Variants in CCL26 observed in about 807,000 individuals in gnomAD.
The protein encoded by CCL26 is C-C motif chemokine 26.
CCL26 carries 10 observed loss-of-function variants against 10.7 expected under a neutral mutation model. That is an observed-to-expected ratio of 0.93 (90% CI 0.57 to 1.58). CCL26 has a LOEUF of 1.58. Ranked by LOEUF, CCL26 falls within the 40% of genes most tolerant of loss-of-function variation. The pLI, the probability that CCL26 is intolerant of heterozygous loss-of-function variation, is 0.00. For missense variants in CCL26, 116 were observed against 111.0 expected, an observed-to-expected ratio of 1.05 and a Z score of -0.20; for synonymous variants, 43 against 41.4, an observed-to-expected ratio of 1.04 and a Z score of -0.15.
At chr7:75,783,571 G>A (rs1226225524) in intron 1 of CCL26, among the ~76,000 whole-genome samples, 10 of 152,114 alleles carry the variant, frequency 6.6e-5, no homozygotes, top group Non-Finnish European at 8.8e-5. Flanking sequence ...AGGCCGAGGT[G>A]GGCGGATCAC....
chr7:75,790,218 T>TTCCTTC (rs1803301964), upstream of CCL26, among the ~76,000 whole-genome samples: 1 of 66,802 alleles, frequency 1.5e-5, no homozygotes, highest in Non-Finnish European at 3.1e-5. Context: ...TTTCTTTCTT[T>TTCCTTC]CTTCCTTCCT....
intron 1 of CCL26, among the ~76,000 whole-genome samples, chr7:75,783,241 C>G (rs1803105301): frequency 6.6e-6 from 1 of 152,128 alleles, no homozygotes; most frequent in Non-Finnish European, 1.5e-5. Context: ...ACAATTTAAC[C>G]TGGAGTAACT....
At chr7:75,773,362 T>A (rs1802871546), upstream of CCL26, among the ~76,000 whole-genome samples, 1 of 151,332 alleles carries the variant, frequency 6.6e-6, no homozygotes, top group East Asian at 2.0e-4. Flanking sequence ...AGGCAGAGGT[T>A]ACAGTGAGCC....
chr7:75,785,129 C>A (rs782136242), intron 1 of CCL26, among the ~76,000 whole-genome samples: 2 of 152,102 alleles, frequency 1.3e-5, no homozygotes, highest in Non-Finnish European at 2.9e-5. Flanking sequence ...ACTCTTTTGT[C>A]CTCAATACCT....
chr7:75,770,779 G>C (rs1802803980), intron 2 of CCL26, among the ~76,000 whole-genome samples: 1 of 151,522 alleles, frequency 6.6e-6, no homozygotes, highest in Non-Finnish European at 1.5e-5. Context: ...GGGTTCAAGC[G>C]ATTCTCCTGC....
At chr7:75,790,437 G>A (rs1554530686), upstream of CCL26, among the ~76,000 whole-genome samples, 1 of 150,872 alleles carries the variant, frequency 6.6e-6, no homozygotes, top group Admixed American at 6.7e-5. Flanking sequence ...AAATTGTAGA[G>A]ATGGGGTCTT....
chr7:75,772,693 AC>A (rs1219438211), upstream of CCL26, among the ~76,000 whole-genome samples: 1 of 151,952 alleles, frequency 6.6e-6, no homozygotes, highest in Non-Finnish European at 1.5e-5. Flanking sequence ...ACAAAAAAAA[AC>A]AAGTGACAGA....
intron 2 of CCL26, among the ~76,000 whole-genome samples, chr7:75,770,073 T>G (rs1356239734): frequency 1.2e-4 from 9 of 77,594 alleles, no homozygotes; most frequent in Non-Finnish European, 2.4e-4. Flanking sequence ...CACTTAATTT[T>G]TTTTTTTTTT....
At chr7:75,784,755 C>A (rs1803145495) in intron 1 of CCL26, among the ~76,000 whole-genome samples, 2 of 151,984 alleles carry the variant, frequency 1.3e-5, no homozygotes, top group African/African-American at 4.8e-5. Context: ...TCATTGCCAC[C>A]TTTTCCCCCA....
At chr7:75,772,654 C>CAAAAAAAA (rs5884975), upstream of CCL26, among the ~76,000 whole-genome samples, 1 of 121,020 alleles carries the variant, frequency 8.3e-6, no homozygotes. Context: ...GAGACTCTGC[C>CAAAAAAAA]AAAAAAAAAA....
At chr7:75,789,534 C>A (rs539180573) in intron 1 of CCL26, among the ~76,000 whole-genome samples, 1 of 151,428 alleles carries the variant, frequency 6.6e-6, no homozygotes, top group African/African-American at 2.4e-5. Flanking sequence ...ATGTCAGACC[C>A]CAGCTGTTTT....
rs1405392860 is a variant in CCL26 at position 75,769,693 on chromosome 7, T to G, written c.285A>C (p.Ter95CysextTer3). 1 of 1,599,650 alleles carries G rather than the reference T, an allele frequency of 6.3e-7. No homozygotes were observed. Among genetic ancestry groups the G allele is most frequent in the African/African-American group, 1.3e-5 (1 of 74,730 alleles). The change falls in exon 3 of 3, where the codon TGA (stop) becomes TGC (cysteine). Residue 95 changes from the stop codon to cysteine, a stop_lost. Transcript: ENST00000005180. Reference sequence around the variant, plus strand: ...GTCCTCGGATGAAAATTCAGCTGAGTCACAATTGTTTCGGAGTTTTCAGTA... The same window carrying G: ...GTCCTCGGATGAAAATTCAGCTGAGGCACAATTGTTTCGGAGTTTTCAGTA... ...ISLLKTPKQL[*>C]
intron 1 of CCL26, among the ~76,000 whole-genome samples, chr7:75,783,405 A>T (rs1376389459): frequency 1.3e-5 from 2 of 152,190 alleles, no homozygotes; most frequent in Admixed American, 6.5e-5. Flanking sequence ...TGGAACTATC[A>T]GGCTGATTCC....
At chr7:75,782,702 C>G (rs1232002894) in intron 1 of CCL26, among the ~76,000 whole-genome samples, 3 of 152,168 alleles carry the variant, frequency 2.0e-5, no homozygotes, top group Admixed American at 6.5e-5. Flanking sequence ...ATTTGTCTAT[C>G]CTACAAGATC....
At chr7:75,775,937 C>T (rs1206625524), upstream of CCL26, among the ~76,000 whole-genome samples, 2 of 151,776 alleles carry the variant, frequency 1.3e-5, no homozygotes, top group Non-Finnish European at 2.9e-5. Context: ...ACTGGGATTA[C>T]AGCAGTGAGC....
upstream of CCL26, among the ~76,000 whole-genome samples, chr7:75,790,985 C>G (rs1319414181): frequency 2.0e-5 from 3 of 149,030 alleles, no homozygotes; most frequent in African/African-American, 7.4e-5. Flanking sequence ...GCATGTCTGT[C>G]TATAAATGGC....
intron 2 of CCL26, 56 bp downstream of exon 2, chr7:75,771,833 C>T (rs929378844): frequency 4.6e-6 from 5 of 1,088,212 alleles, no homozygotes; most frequent in African/African-American, 1.5e-5. Context: ...CTGCCCAGCA[C>T]CCATCCTGTT....
chr7:75,772,100 G>T lies in CCL26; in HGVS notation c.73+4C>A. 1 of 1,587,884 alleles carries T rather than the reference G, an allele frequency of 6.3e-7. No individual in the cohort carries two copies. The highest frequency in any genetic ancestry group is 8.6e-7 in the Non-Finnish European group (1 of 1,166,960). On this transcript the variant is annotated splice_donor_region_variant and intron_variant, in intron 1 of 2. Coordinates refer to ENST00000005180, the MANE Select transcript of CCL26 (RefSeq NM_001371938.1). ...CCCAGGAGGGGAATGGGCCAGCTAC[G>T]TACGTGTGGCAGTTCCAAGGTGGAG...
chr7:75,783,116 C>G (rs1170419626), intron 1 of CCL26, among the ~76,000 whole-genome samples: 2 of 152,150 alleles, frequency 1.3e-5, no homozygotes, highest in African/African-American at 4.8e-5. Flanking sequence ...AAGACATAGT[C>G]AGGGTACATG....
Sources: gnomAD v4.1 joint callset for allele counts (sites outside exome capture counted in the v4.1 genomes callset) on GRCh38, gnomAD v4.1.1 for gene constraint, MANE v1.5 for transcripts, NCBI Gene and HGNC (gene_info 2026-07-23, HGNC 2026-07-21) for gene names.